The following POU3F3 variants were observed in gnomAD, a reference collection of about 807,000 sequenced individuals.
The protein encoded by POU3F3 is POU class 3 homeobox 3, also known as POU domain, class 3, transcription factor 3.
POU3F3 carries 1 observed loss-of-function variant against 8.6 expected under a neutral mutation model. The observed-to-expected ratio is 0.12, with a 90% CI of 0.04 to 0.55. The LOEUF (loss-of-function observed/expected upper bound fraction) is 0.55. POU3F3 is among the 20% of genes least tolerant of loss of function. The pLI is 0.91. For synonymous variants in POU3F3, 418 were observed against 327.4 expected, an observed-to-expected ratio of 1.28 and a Z score of -2.99; for missense variants, 577 against 690.7, an observed-to-expected ratio of 0.84 and a Z score of 1.84.
chr2:104,869,522 G>A, the POU3F3 span, among the ~76,000 whole-genome samples: 1 of 152,216 alleles, frequency 6.6e-6, no homozygotes, highest in Non-Finnish European at 1.5e-5. Flanking sequence ...GGTTCTAGGA[G>A]ACAAATAGCT....
At position 104,855,764 on chromosome 2, in the gene POU3F3, G is replaced by A; in HGVS notation, c.254G>A (p.Ser85Asn). ...TTCATGCAGGGGGCCATGGCCGCCAGCAACGGCGGCCATATGCTGAGCCAC... is the reference window on the plus strand; with the variant it reads ...TTCATGCAGGGGGCCATGGCCGCCAACAACGGCGGCCATATGCTGAGCCAC... ...SDFMQGAMAA[S>N]NGGHMLSHAH... The change falls in exon 1 of 1, where the codon AGC (serine) becomes AAC (asparagine). Residue 85 changes from serine (S) to asparagine (N), a missense_variant. Physicochemically the swap from Ser to Asn is conservative, Grantham distance 46. Around this residue, in one of 7 missense-constraint regions of POU3F3, gnomAD observed 484 missense variants for 422.6 expected, o/e 1.15. Coordinates refer to ENST00000361360, the MANE Select transcript of POU3F3 (RefSeq NM_006236.3). The A allele has an allele frequency of 3.8e-6, 5 of 1,313,624 alleles. No individual in the cohort carries two copies. Among genetic ancestry groups the A allele is most frequent in the South Asian group, 2.6e-5 (2 of 76,854 alleles). The allele number at this position is 1,313,624 out of a possible 1,614,324, so 81.4% of individuals were successfully genotyped here. A position where few individuals can be genotyped will look rare whatever the true frequency, so the allele number is the denominator to read the frequency against.
At chr2:104,874,847 T>A in the POU3F3 span, among the ~76,000 whole-genome samples, 2 of 152,350 alleles carry the variant, frequency 1.3e-5, no homozygotes. Flanking sequence ...GACATATAAT[T>A]TACCATTTTT....
At position 104,856,312 on chromosome 2, in the gene POU3F3, G is replaced by A. The variant is rs1195884198; in HGVS notation, c.802G>A (p.Ala268Thr). ...GGTGCGCGGGGACACGCCAGAGCTG[G>A]CCGAGCACCACCACCACCACCACCA... ...GLVRGDTPEL[A>T]EHHHHHHHHA... is the part of the protein sequence containing the mutation. Residue 268 changes from alanine to threonine, a missense_variant, in exon 1 of 1, where the codon GCC (alanine) becomes ACC (threonine). Physicochemically the swap from Ala to Thr is moderately conservative, Grantham distance 58. Coordinates refer to ENST00000361360, the MANE Select transcript of POU3F3 (RefSeq NM_006236.3). The A allele has an allele frequency of 4.7e-6, 7 of 1,504,850 alleles. No individual in the cohort carries two copies. The highest frequency in any genetic ancestry group is 1.3e-5 in the South Asian group (1 of 78,204). 93.2% of individuals were successfully genotyped at this position (1,504,850 alleles called of 1,614,324 possible).
chr2:104,866,323 T>A, the POU3F3 span: 1 of 152,188 alleles, frequency 6.6e-6, no homozygotes, highest in Non-Finnish European at 1.5e-5. Context: ...AGTATTTACA[T>A]ATGTACCTGA....
At chr2:104,878,367 A>G in the POU3F3 span, among the ~76,000 whole-genome samples, 1 of 152,306 alleles carries the variant, frequency 6.6e-6, no homozygotes, top group Non-Finnish European at 1.5e-5. Flanking sequence ...CTACTATGCT[A>G]TAGAGAAAGC....
chr2:104,870,225 T>C, the POU3F3 span, among the ~76,000 whole-genome samples: 42 of 152,324 alleles, frequency 2.8e-4, 1 homozygote, highest in Middle Eastern at 3.4e-3. Context: ...TGTGCAGGAT[T>C]CCTTCCCTGC....
At chr2:104,912,124 C>T in the POU3F3 span, among the ~76,000 whole-genome samples, 1 of 152,192 alleles carries the variant, frequency 6.6e-6, no homozygotes, top group Non-Finnish European at 1.5e-5. Flanking sequence ...GAGCCATCCC[C>T]TCCAGGGATT....
downstream of POU3F3, among the ~76,000 whole-genome samples, chr2:104,860,986 T>G (rs1385569848): frequency 1.3e-5 from 2 of 152,012 alleles, no homozygotes; most frequent in Non-Finnish European, 2.9e-5. Flanking sequence ...TATCGATAAG[T>G]GTAATATTTT....
chr2:104,872,722 A>G, the POU3F3 span: 6 of 210,548 alleles, frequency 2.8e-5, no homozygotes, highest in Middle Eastern at 1.8e-3. The surrounding 1 kb of genome is among the most constrained non-coding windows in gnomAD (Gnocchi z 4.6). Flanking sequence ...ACCGCGCGGG[A>G]AAGTTCACAG....
the POU3F3 span, chr2:104,867,899 C>T: frequency 2.5e-4 from 52 of 210,610 alleles, no homozygotes; most frequent in Non-Finnish European, 4.2e-4. The surrounding 1 kb of genome is among the most constrained non-coding windows in gnomAD (Gnocchi z 5.0). Flanking sequence ...GCCAAGGCTG[C>T]GCACTCCGCC....
At chr2:104,926,288 G>A in the POU3F3 span, among the ~76,000 whole-genome samples, 1 of 152,098 alleles carries the variant, frequency 6.6e-6, no homozygotes, top group African/African-American at 2.4e-5. Flanking sequence ...TCAAAAAGTG[G>A]GTGAAGGATA....
chr2:104,925,672 G>A, the POU3F3 span, among the ~76,000 whole-genome samples: 1 of 152,198 alleles, frequency 6.6e-6, no homozygotes. Context: ...TAAATGATTA[G>A]TGATTATTTA....
the POU3F3 span, among the ~76,000 whole-genome samples, chr2:104,925,797 T>C: frequency 6.6e-6 from 1 of 151,900 alleles, no homozygotes; most frequent in South Asian, 2.1e-4. Context: ...AGCCCAGCCA[T>C]AAAGAACTTA....
the POU3F3 span, among the ~76,000 whole-genome samples, chr2:104,899,360 TAA>T: frequency 6.6e-6 from 1 of 152,154 alleles, no homozygotes; most frequent in African/African-American, 2.4e-5. Context: ...GCAGAGAAAC[TAA>T]AAAGAGACCC....
chr2:104,877,862 T>G, the POU3F3 span, among the ~76,000 whole-genome samples: 1 of 152,054 alleles, frequency 6.6e-6, no homozygotes. Context: ...TTCACCATGT[T>G]GGCCAGGATG....
the POU3F3 span, among the ~76,000 whole-genome samples, chr2:104,903,359 A>T: frequency 6.6e-6 from 1 of 152,216 alleles, no homozygotes; most frequent in Admixed American, 6.5e-5. Context: ...GCTCCCATGC[A>T]CCGGTGCTAT....
chr2:104,916,399 G>A, the POU3F3 span, among the ~76,000 whole-genome samples: 1 of 152,238 alleles, frequency 6.6e-6, no homozygotes, highest in South Asian at 2.1e-4. Flanking sequence ...TGGTTCCTGT[G>A]GTTCAGGGGT....
At chr2:104,907,015 C>T in the POU3F3 span, among the ~76,000 whole-genome samples, 1 of 152,262 alleles carries the variant, frequency 6.6e-6, no homozygotes, top group East Asian at 1.9e-4. Context: ...CATACGAACA[C>T]CCCTACCTTC....
Position 104,856,833 on chromosome 2 carries a change from C to T in POU3F3, c.1323C>T (p.Asp441=), listed in dbSNP as rs1676575384. ...PSAQEITNLA[D]SLQLEKEVVR... is the part of the protein sequence containing the mutation. ...CGCAGGAGATCACCAACCTGGCCGA[C>T]AGCCTGCAGCTCGAGAAGGAGGTGG... Residue 441 remains aspartate, a synonymous_variant, in exon 1 of 1, where the codon GAC becomes GAT. Coordinates refer to ENST00000361360, the MANE Select transcript of POU3F3 (RefSeq NM_006236.3). The T allele has an allele frequency of 1.1e-5, 17 of 1,614,140 alleles. No individual in the cohort carries two copies. Among genetic ancestry groups the T allele is most frequent in the Non-Finnish European group, 1.4e-5 (16 of 1,180,016 alleles).
Sources: gnomAD v4.1 joint callset for allele counts (sites outside exome capture counted in the v4.1 genomes callset) on GRCh38, gnomAD v4.1.1 for gene constraint, gnomAD v4.1.1 regional missense constraint, Gnocchi (gnomAD v3.1) non-coding constraint, MANE v1.5 for transcripts, NCBI Gene and HGNC (gene_info 2026-07-23, HGNC 2026-07-21) for gene names.